The following CACNA1B variants were observed in gnomAD, a reference collection of about 807,000 sequenced individuals.
CACNA1B encodes the protein voltage-dependent N-type calcium channel subunit alpha-1B.
In CACNA1B, 70 loss-of-function variants were observed where a neutral mutation model predicts 247.2. The ratio of observed to expected loss-of-function variants is 0.28; its 90% confidence interval spans 0.23 to 0.35. The LOEUF is 0.35. Ranked by LOEUF, CACNA1B falls within the 10% of genes least tolerant of loss-of-function variation. The pLI, the probability that CACNA1B is intolerant of heterozygous loss-of-function variation, is 1.00. For missense variants in CACNA1B, 2,367 were observed against 3,197.4 expected, an observed-to-expected ratio of 0.74 and a Z score of 6.26; for synonymous variants, 1,231 against 1,294.4, an observed-to-expected ratio of 0.95 and a Z score of 1.05.
chr9:137,894,901 C>T (rs1048989197), intron 3 of CACNA1B, among the ~76,000 whole-genome samples: 5 of 152,130 alleles, frequency 3.3e-5, no homozygotes, highest in Admixed American at 2.0e-4. Context: ...CCAATTTGTC[C>T]GTTTTTCCTT....
At position 137,881,090 on chromosome 9, in the gene CACNA1B, G is replaced by C. The variant is rs1402474575; in HGVS notation, c.391-1654G>C. ...GGGTGCTGGCTGGTCCTTCCTAGGC[G>C]TCGGGCCTGTTCTCTTTTTCACCAG... is the stretch of plus-strand genomic sequence containing the variant. On this transcript the variant is annotated intron_variant, in intron 2 of 46. Transcript: ENST00000371372. This position sits in a 1 kb window ranked among gnomAD's most constrained non-coding sequence, Gnocchi z 4.3. 2.0e-5 allele frequency among the ~76,000 whole-genome samples: 3 copies of C among 152,200 alleles called. No homozygotes were observed. The highest frequency in any genetic ancestry group is 1.3e-4 in the Admixed American group (2 of 15,280).
rs201490213 is a variant in CACNA1B at position 138,124,285 on chromosome 9, C to T, written c.*2286C>T. On this transcript the variant is annotated 3_prime_UTR_variant, in exon 47 of 47. Coordinates refer to ENST00000371372, the MANE Select transcript of CACNA1B (RefSeq NM_000718.4). ...GTTATGTGTGCATGTAACATATATA[C>T]ATATATACATATATACAAGTATGTG... 18 of 152,224 alleles carry T rather than the reference C, an allele frequency of 1.2e-4. No homozygotes were observed. Among genetic ancestry groups the T allele is most frequent in the South Asian group, 6.2e-4 (3 of 4,826 alleles). 9.4% of individuals were successfully genotyped at this position (152,224 alleles called of 1,614,324 possible). A position where few individuals can be genotyped will look rare whatever the true frequency, so the allele number is the denominator to read the frequency against.
At chr9:138,090,731 A>AAAAAAAAAC in intron 36 of CACNA1B, among the ~76,000 whole-genome samples, 1 of 136,714 alleles carries the variant, frequency 7.3e-6, no homozygotes, top group African/African-American at 2.6e-5. Flanking sequence ...AAAAAAAAAA[A>AAAAAAAAAC]AAATCAGATT....
chr9:138,102,750 A>G lies in CACNA1B; in HGVS notation c.5262A>G (p.Lys1754=). 4 of 1,612,916 alleles carry G rather than the reference A, an allele frequency of 2.5e-6. No homozygotes were observed. Among genetic ancestry groups the G allele is most frequent in the Non-Finnish European group, 3.4e-6 (4 of 1,179,342 alleles). ...ISYNDMFEML[K]HMSPPLGLGK... is the part of the protein sequence containing the mutation. ...ACAATGACATGTTTGAGATGCTGAA[A>G]CACATGTCCCCGCCTCTGGGGCTGG... Residue 1754 remains lysine (K), a synonymous_variant, in exon 38 of 47, where the codon AAA becomes AAG. Coordinates refer to ENST00000371372, the MANE Select transcript of CACNA1B (RefSeq NM_000718.4). This position sits in a 1 kb window ranked among gnomAD's most constrained non-coding sequence, Gnocchi z 5.4.
intron 15 of CACNA1B, among the ~76,000 whole-genome samples, chr9:137,988,469 A>T (rs907182695): frequency 6.6e-6 from 1 of 152,148 alleles, no homozygotes; most frequent in Non-Finnish European, 1.5e-5. Context: ...CCTGAGTGTG[A>T]TGAGGGAGAG....
Position 137,881,773 on chromosome 9 carries a change from C to T in CACNA1B, c.391-971C>T, listed in dbSNP as rs575612521. On this transcript the variant is annotated intron_variant, in intron 2 of 46. Coordinates refer to ENST00000371372, the MANE Select transcript of CACNA1B (RefSeq NM_000718.4). The surrounding 1 kb of genome is among the most constrained non-coding windows in gnomAD (Gnocchi z 4.3). Reference sequence around the variant, plus strand: ...TCCACCCTGTTTGCTGCTTCCAGCTCGGCACTGGTAGGGCCTGGCTCTGCT... The same window carrying T: ...TCCACCCTGTTTGCTGCTTCCAGCTTGGCACTGGTAGGGCCTGGCTCTGCT... Among the ~76,000 whole-genome samples, 11 of 152,360 alleles carry T rather than the reference C, an allele frequency of 7.2e-5. No homozygotes were observed. Among genetic ancestry groups the T allele is most frequent in the East Asian group, 1.9e-4 (1 of 5,182 alleles).
At chr9:137,878,327 A>G in intron 1 of CACNA1B, 110 bp downstream of exon 1, 1 of 1,008,166 alleles carries the variant, frequency 9.9e-7, no homozygotes, top group Non-Finnish European at 1.3e-6. Flanking sequence ...AGGCGTCGGG[A>G]GACGGGCGAG....
At position 138,047,010 on chromosome 9, in the gene CACNA1B, C is replaced by T. The variant is rs201771536; in HGVS notation, c.3520C>T (p.Arg1174Cys). 3.9e-5 allele frequency: 63 copies of T among 1,612,344 alleles called. No homozygotes were observed. The highest frequency in any genetic ancestry group is 2.4e-4 in the African/African-American group (18 of 74,930). Residue 1174 changes from arginine (R) to cysteine (C), a missense_variant, in exon 22 of 47, where the codon CGC becomes TGC. Transcript: ENST00000371372. ...CGCCCTGGCTGCTGAGGACCCAGTGCGCACAGACTCGCCCAGGAACAACGT... is the reference window on the plus strand; with the variant it reads ...CGCCCTGGCTGCTGAGGACCCAGTGTGCACAGACTCGCCCAGGAACAACGT... ...SIALAAEDPV[R>C]TDSPRNNALK...
At chr9:138,106,129 G>A (rs1305714575) in intron 39 of CACNA1B, among the ~76,000 whole-genome samples, 1 of 152,138 alleles carries the variant, frequency 6.6e-6, no homozygotes, top group East Asian at 1.9e-4. Context: ...CACAGCCAGC[G>A]CCCTCCCTGG....
At chr9:137,936,293 T>A (rs1217685904) in intron 6 of CACNA1B, among the ~76,000 whole-genome samples, 1 of 152,232 alleles carries the variant, frequency 6.6e-6, no homozygotes, top group Non-Finnish European at 1.5e-5. Flanking sequence ...AAGGTCTTCT[T>A]TTGAAAAGTA....
rs1173163661 is a variant in CACNA1B, at chr9:137,954,879, T to TGA, written c.1071-797_1071-796dup. 1.2e-3 allele frequency among the ~76,000 whole-genome samples: 169 copies of TGA among 145,254 alleles called. No individual in the cohort carries two copies. The East Asian group carries it at 0.015, about 13-fold the overall frequency. On this transcript the variant is annotated intron_variant, in intron 7 of 46. Coordinates refer to ENST00000371372, the MANE Select transcript of CACNA1B (RefSeq NM_000718.4). This position sits in a 1 kb window ranked among gnomAD's most constrained non-coding sequence, Gnocchi z 4.1. ...GCTTGTGTGTGTGTGTGTGTGTGTG[T>TGA]GAGAGAGAGAGAGAGAGAGAGAGGG...
rs188453436 is a variant in CACNA1B at position 138,111,563 on chromosome 9, T to C, written c.5429-835T>C. 8.4e-3 allele frequency among the ~76,000 whole-genome samples: 1,283 copies of C among 152,344 alleles called. 11 individuals carry two copies. The highest frequency in any genetic ancestry group is 0.037 in the East Asian group (192 of 5,182). On this transcript the variant is annotated intron_variant, in intron 39 of 46. Transcript: ENST00000371372. ...CAGCTGTTGCACACCTTGACGGTGC[T>C]GCTAGGCACATGGGCGTATGAATTC...
chr9:138,101,114 C>T (rs975825195), intron 37 of CACNA1B: 5 of 532,818 alleles, frequency 9.4e-6, no homozygotes, highest in Admixed American at 3.9e-5. Context: ...TTGCCGGATT[C>T]ATTATAAGGA....
intron 3 of CACNA1B, among the ~76,000 whole-genome samples, chr9:137,904,127 T>C (rs533325848): frequency 6.6e-6 from 1 of 152,296 alleles, no homozygotes; most frequent in South Asian, 2.1e-4. Context: ...TCTGTCTTTT[T>C]TGGAAGTCGG....
At chr9:138,034,195 G>A (rs1959016431) in intron 20 of CACNA1B, among the ~76,000 whole-genome samples, 1 of 152,118 alleles carries the variant, frequency 6.6e-6, no homozygotes, top group Admixed American at 6.5e-5. Context: ...TTTCCACTAG[G>A]GCTTGCTCCA....
chr9:138,118,872 G>A (rs748777211), intron 44 of CACNA1B, 104 bp downstream of exon 44: 10 of 649,410 alleles, frequency 1.5e-5, no homozygotes, highest in Non-Finnish European at 2.7e-5. Context: ...CTGGGGTAGA[G>A]AGGCTGGGGT....
rs1215674609 is a variant in CACNA1B at position 138,115,618 on chromosome 9, C to T, written c.5716C>T (p.Arg1906Ter). 1 of 1,613,714 alleles carries T rather than the reference C, an allele frequency of 6.2e-7. No individual in the cohort carries two copies. Among genetic ancestry groups the T allele is most frequent in the African/African-American group, 1.3e-5 (1 of 75,036 alleles). Residue 1906 changes from arginine to a stop codon, truncating the protein, a stop_gained, in exon 42 of 47, where the codon CGA becomes TGA. Transcript: ENST00000371372. LOFTEE classifies it high-confidence loss of function. Reference protein sequence around the residue: ...TLEQTQPAVLRGARVFLRQKS... With the variant: ...TLEQTQPAVL ...GGAGCAGACACAGCCGGCTGTGCTC[C>T]GAGGAGCCCGGGTTTTCCTTCGACA...
intron 36 of CACNA1B, among the ~76,000 whole-genome samples, chr9:138,091,524 T>C (rs971510667): frequency 1.3e-5 from 2 of 152,204 alleles, no homozygotes; most frequent in African/African-American, 2.4e-5. Flanking sequence ...TTTTCAAATA[T>C]TTCAAATATT....
chr9:138,036,836 C>T (rs11137346), intron 20 of CACNA1B, among the ~76,000 whole-genome samples: 21,982 of 152,150 alleles, frequency 0.14, 4,394 homozygotes, highest in African/African-American at 0.45. Context: ...AGGTGTAATA[C>T]GCCAATAAGC....
Sources: allele counts gnomAD v4.1 joint callset (sites outside exome capture counted in the v4.1 genomes callset), GRCh38; gene constraint gnomAD v4.1.1; non-coding constraint Gnocchi (gnomAD v3.1); transcripts MANE v1.5; gene names NCBI Gene and HGNC (gene_info 2026-07-23, HGNC 2026-07-21).